The following RNLS variants were observed in gnomAD, a reference collection of about 807,000 sequenced individuals.
The protein encoded by RNLS is renalase, FAD dependent amine oxidase.
A neutral mutation model predicts 39.8 loss-of-function variants in RNLS; 39 were observed. The ratio of observed to expected loss-of-function variants is 0.98; its 90% CI spans 0.76 to 1.28. The LOEUF (loss-of-function observed/expected upper bound fraction) is 1.28. Among genes scored for constraint, RNLS ranks in the 50% most tolerant of loss-of-function variants. RNLS has a pLI of 0.00. For synonymous variants in RNLS, 147 were observed against 150.7 expected, an observed-to-expected ratio of 0.98 and a Z score of 0.18; for missense variants, 410 against 413.3, an observed-to-expected ratio of 0.99 and a Z score of 0.07.
intron 5 of RNLS, among the ~76,000 whole-genome samples, chr10:88,329,980 A>G (rs1846968711): frequency 6.6e-6 from 1 of 150,394 alleles, no homozygotes; most frequent in Admixed American, 6.6e-5. Flanking sequence ...CAAAATTTTC[A>G]GGCTTTATAA....
At chr10:88,564,436 T>C (rs1849376879) in intron 4 of RNLS, among the ~76,000 whole-genome samples, 1 of 151,164 alleles carries the variant, frequency 6.6e-6, no homozygotes, top group African/African-American at 2.4e-5. Context: ...AATCAGAGGG[T>C]GGGGGGTGGA....
chr10:88,421,117 C>G (rs1458320904), intron 4 of RNLS, among the ~76,000 whole-genome samples: 4 of 152,208 alleles, frequency 2.6e-5, no homozygotes, highest in African/African-American at 9.6e-5. Context: ...TCACTCTCTG[C>G]CAGCAAAGTA....
intron 4 of RNLS, among the ~76,000 whole-genome samples, chr10:88,458,152 C>G (rs1185712612): frequency 2.6e-5 from 4 of 152,208 alleles, no homozygotes; most frequent in Non-Finnish European, 5.9e-5. Context: ...TCTGGGTTAG[C>G]TTTCCCTTCT....
intron 4 of RNLS, among the ~76,000 whole-genome samples, chr10:88,421,783 C>G (rs1158590716): frequency 1.3e-5 from 2 of 152,190 alleles, no homozygotes; most frequent in East Asian, 3.8e-4. Flanking sequence ...GTTGCTCCAG[C>G]CAGTCTGATC....
intron 5 of RNLS, chr10:88,343,517 A>G: frequency 1.0e-6 from 1 of 963,512 alleles, no homozygotes; most frequent in Non-Finnish European, 1.2e-6. Context: ...ATATATATAT[A>G]TTTTCCAAAA....
intron 4 of RNLS, among the ~76,000 whole-genome samples, chr10:88,473,199 T>C (rs749595934): frequency 7.9e-5 from 12 of 152,318 alleles, no homozygotes; most frequent in South Asian, 6.2e-4. Context: ...GATAATCTTA[T>C]AGGACCACTG....
rs1019713262 is a variant in RNLS at position 88,330,280 on chromosome 10, C to T, written c.701-15639G>A. Among the ~76,000 whole-genome samples, 8 of 151,826 alleles carry T rather than the reference C, an allele frequency of 5.3e-5. No homozygotes were observed. In the South Asian group the frequency reaches 1.7e-3, roughly 31 times the overall value. On this transcript the variant is annotated intron_variant, in intron 5 of 6. Coordinates refer to ENST00000331772, the MANE Select transcript of RNLS (RefSeq NM_001031709.3). The stretch of plus-strand genomic sequence containing the variant: ...CATTTAAATAATGTTCCTTTGGAAA[C>T]GTGCTTTGGTTTCTGCCAGAGGCCT...
intron 4 of RNLS, among the ~76,000 whole-genome samples, chr10:88,411,615 A>G (rs767889579): frequency 6.6e-6 from 1 of 152,058 alleles, no homozygotes; most frequent in Non-Finnish European, 1.5e-5. Flanking sequence ...TGTATTGAAC[A>G]TACTAGGTTT....
At chr10:88,561,184 T>C (rs1171561164) in intron 4 of RNLS, among the ~76,000 whole-genome samples, 1 of 152,132 alleles carries the variant, frequency 6.6e-6, no homozygotes, top group Admixed American at 6.6e-5. Context: ...CAAGATGTCA[T>C]TAAGGAATCC....
chr10:88,324,427 C>CAA (rs57362184), intron 5 of RNLS, among the ~76,000 whole-genome samples: 17,576 of 78,206 alleles, frequency 0.22, 1,298 homozygotes, highest in East Asian at 0.43. Context: ...GTGTCCTTTG[C>CAA]AAAAAAAAAA....
chr10:88,468,294 T>C (rs1475138115), intron 4 of RNLS, among the ~76,000 whole-genome samples: 2 of 152,216 alleles, frequency 1.3e-5, no homozygotes, highest in Non-Finnish European at 2.9e-5. Flanking sequence ...TGATCATTGA[T>C]GAATCATAAC....
rs557155347 is a variant in RNLS, at chr10:88,443,144, G to A, written c.527-80419C>T. Among the ~76,000 whole-genome samples, 42 of 152,036 alleles carry A rather than the reference G, an allele frequency of 2.8e-4. No homozygotes were observed. The East Asian group carries it at 3.7e-3, about 13-fold the overall frequency. On this transcript the variant is annotated intron_variant, in intron 4 of 6. Transcript: ENST00000331772. ...GTCTTTATTTGGGTTTTTACCACTC[G>A]CTATACAAATTTTACAATTTTATGA...
At chr10:88,510,246 G>T (rs1846041558) in intron 4 of RNLS, among the ~76,000 whole-genome samples, 1 of 151,898 alleles carries the variant, frequency 6.6e-6, no homozygotes, top group Non-Finnish European at 1.5e-5. Context: ...TGTAACAGAA[G>T]AGAGGACTCC....
intron 4 of RNLS, among the ~76,000 whole-genome samples, chr10:88,447,293 C>T (rs964046845): frequency 2.6e-5 from 4 of 152,186 alleles, no homozygotes; most frequent in Non-Finnish European, 5.9e-5. Flanking sequence ...TCTCCTTAAG[C>T]TGATAAGCAA....
chr10:88,382,434 C>A (rs574082813), intron 4 of RNLS, among the ~76,000 whole-genome samples: 1 of 152,124 alleles, frequency 6.6e-6, no homozygotes, highest in African/African-American at 2.4e-5. Flanking sequence ...TTGAATATAT[C>A]ATCACAGTAG....
intron 4 of RNLS, among the ~76,000 whole-genome samples, chr10:88,489,575 C>T (rs529500192): frequency 3.3e-5 from 5 of 152,236 alleles, no homozygotes; most frequent in African/African-American, 1.2e-4. Flanking sequence ...CTATGGTTCC[C>T]AAGGTGATTC....
chr10:88,324,439 A>C (rs952523581), intron 5 of RNLS, among the ~76,000 whole-genome samples: 2 of 151,772 alleles, frequency 1.3e-5, no homozygotes, highest in Non-Finnish European at 2.9e-5. Flanking sequence ...AAAAAAAAAA[A>C]AAAACTAAAA....
intron 6 of RNLS, among the ~76,000 whole-genome samples, chr10:88,312,983 T>C (rs1032573198): frequency 5.3e-5 from 8 of 152,322 alleles, no homozygotes; most frequent in Middle Eastern, 3.4e-3. Context: ...CTTTCAGGTT[T>C]TGCAGCCAAT....
chr10:88,291,958 C>G lies in RNLS; in HGVS notation c.877-6452G>C, dbSNP rs1843699337. Among the ~76,000 whole-genome samples the G allele has an allele frequency of 2.0e-5, 3 of 152,078 alleles. No individual in the cohort carries two copies. In the South Asian group the frequency reaches 6.2e-4, roughly 31 times the overall value. ...AGGCGTTTTAGCTACAACCATAGTT[C>G]TACAAAATTGTATGCTAAAAATATC... On this transcript the variant is annotated intron_variant, in intron 6 of 6. Coordinates refer to ENST00000331772, the MANE Select transcript of RNLS (RefSeq NM_001031709.3).
Sources: allele counts gnomAD v4.1 joint callset (sites outside exome capture counted in the v4.1 genomes callset), GRCh38; gene constraint gnomAD v4.1.1; transcripts MANE v1.5; gene names NCBI Gene and HGNC (gene_info 2026-07-23, HGNC 2026-07-21).